Variants in DKK3 observed in about 807,000 individuals in gnomAD.
DKK3 encodes the protein dickkopf Wnt signaling pathway inhibitor 3, also known as dickkopf-related protein 3.
Under a neutral mutation model 33.2 loss-of-function variants are expected in DKK3, and 22 were observed. That is an observed-to-expected ratio of 0.66 (90% CI 0.47 to 0.95). DKK3 has a LOEUF of 0.95. DKK3 is among the 40% of genes least tolerant of loss of function. The pLI is 0.00. For missense variants in DKK3, 398 were observed against 458.4 expected (o/e 0.87, Z 1.20); for synonymous variants, 194 against 188.8 (o/e 1.03, Z -0.23).
chr11:11,966,443 C>T (rs1304789482), intron 5 of DKK3, among the ~76,000 whole-genome samples: 2 of 152,138 alleles, frequency 1.3e-5, no homozygotes, highest in Non-Finnish European at 2.9e-5. Flanking sequence ...CTGCAGGTCC[C>T]AGGGGAGCAA....
chr11:12,005,486 A>G (rs1455118186), intron 1 of DKK3, among the ~76,000 whole-genome samples: 1 of 152,264 alleles, frequency 6.6e-6, no homozygotes, highest in African/African-American at 2.4e-5. Context: ...CAGAGTGGTT[A>G]TATCTTCAGA....
In DKK3 at chr11:12,007,790, T is replaced by C. The variant is rs148488710; in HGVS notation, c.213+580A>G. Among the ~76,000 whole-genome samples the C allele has an allele frequency of 6.3e-4, 96 of 152,278 alleles. 1 individual carries two copies. The East Asian group carries it at 0.016, about 26-fold the overall frequency. ...AAGCACCGTTGGGTGGAGGGGGTAT[T>C]GCCTCTCACATCCTCATCCGCCACT... is the stretch of plus-strand genomic sequence containing the variant. On this transcript the variant is annotated intron_variant, in intron 1 of 6. Transcript: ENST00000683431.
Position 12,008,385 on chromosome 11 carries a change from G to A in DKK3, c.198C>T (p.Arg66=). Residue 66 remains arginine (R), a synonymous_variant, in exon 1 of 7, where the codon CGC becomes CGT. Transcript: ENST00000683431. This position sits in a 1 kb window ranked among gnomAD's most constrained non-coding sequence, Gnocchi z 4.6. ...GCGCACCCACCTCTTCCACCGCGCT[G>A]CGCAATTTGTGCTGCGTGTCCTCCA... ...ELMEDTQHKL[R]SAVEEMEAEE... The A allele has an allele frequency of 6.2e-7, 1 of 1,606,548 alleles. No individual in the cohort carries two copies. The highest frequency in any genetic ancestry group is 2.2e-5 in the East Asian group (1 of 44,616).
chr11:11,968,695 C>T (rs542371068), intron 3 of DKK3: 13 of 499,176 alleles, frequency 2.6e-5, no homozygotes, highest in African/African-American at 2.4e-4. Context: ...GGCTTGGCAG[C>T]CCAGAGCCTG....
chr11:11,998,828 A>G, intron 2 of DKK3, 49 bp from the exon 3 acceptor site: 1 of 1,519,912 alleles, frequency 6.6e-7, no homozygotes, highest in Non-Finnish European at 9.1e-7. Context: ...AATTCTGGAC[A>G]AATTCCACAA....
chr11:11,964,424 G>A lies in DKK3; in HGVS notation c.*40C>T. On this transcript the variant is annotated 3_prime_UTR_variant, in exon 7 of 7. Transcript: ENST00000683431. The stretch of plus-strand genomic sequence containing the variant: ...AGCACACACCTGGGGAAATAAATTA[G>A]CTATTTCTATTGCACATCTACCCAC... 8.1e-6 allele frequency: 13 copies of A among 1,595,226 alleles called. No individual in the cohort carries two copies. The highest frequency in any genetic ancestry group is 1.1e-5 in the Non-Finnish European group (13 of 1,174,618).
upstream of DKK3, chr11:12,009,325 A>C: frequency 1.0e-6 from 1 of 980,550 alleles, no homozygotes; most frequent in Non-Finnish European, 1.2e-6. Flanking sequence ...TACCCGAGGG[A>C]GCCCGCAAGA....
intron 3 of DKK3, among the ~76,000 whole-genome samples, chr11:11,976,823 C>G (rs1408781854): frequency 1.4e-5 from 2 of 147,926 alleles, no homozygotes; most frequent in Non-Finnish European, 3.0e-5. Flanking sequence ...TTCCCCATTC[C>G]TGAGAGTCCT....
At chr11:12,008,853 T>G (rs540161150), upstream of DKK3, 1 of 1,148,280 alleles carries the variant, frequency 8.7e-7, no homozygotes, top group East Asian at 4.3e-5. The surrounding 1 kb of genome is among the most constrained non-coding windows in gnomAD (Gnocchi z 4.6). Context: ...GAGCACAAGC[T>G]GAGCTCTGCT....
intron 3 of DKK3, among the ~76,000 whole-genome samples, chr11:11,991,805 A>C (rs909001592): frequency 6.6e-6 from 1 of 152,210 alleles, no homozygotes; most frequent in Non-Finnish European, 1.5e-5. Context: ...ATAGCAATGC[A>C]AATGGACTGA....
intron 3 of DKK3, among the ~76,000 whole-genome samples, chr11:11,973,916 G>A (rs533530356): frequency 1.3e-5 from 2 of 152,302 alleles, no homozygotes; most frequent in South Asian, 2.1e-4. Flanking sequence ...TGTGGGGCCC[G>A]CAGAGGCACC....
At chr11:11,986,342 C>A (rs1251728394) in intron 3 of DKK3, among the ~76,000 whole-genome samples, 1 of 152,142 alleles carries the variant, frequency 6.6e-6, no homozygotes, top group Non-Finnish European at 1.5e-5. Context: ...ACTTAAAATG[C>A]CCCTCTACTG....
intron 3 of DKK3, among the ~76,000 whole-genome samples, chr11:11,970,742 T>G (rs1847707176): frequency 6.6e-6 from 1 of 152,218 alleles, no homozygotes; most frequent in Non-Finnish European, 1.5e-5. Flanking sequence ...GACACTCCAT[T>G]GGCCATCCCT....
upstream of DKK3, chr11:12,009,031 G>A: frequency 1.0e-6 from 1 of 989,828 alleles, no homozygotes; most frequent in Middle Eastern, 5.2e-4. Context: ...GCCTCTCTCA[G>A]CCCCTACCTG....
At chr11:11,981,943 C>A (rs1413411085) in intron 3 of DKK3, among the ~76,000 whole-genome samples, 1 of 152,164 alleles carries the variant, frequency 6.6e-6, no homozygotes, top group African/African-American at 2.4e-5. Context: ...GAGGACTTTT[C>A]ATAAGATATC....
At chr11:11,996,687 G>A (rs1300925716) in intron 3 of DKK3, among the ~76,000 whole-genome samples, 1 of 152,206 alleles carries the variant, frequency 6.6e-6, no homozygotes, top group Non-Finnish European at 1.5e-5. Flanking sequence ...GGTCTGAGCA[G>A]GCATCAAGAC....
chr11:11,967,008 T>C lies in DKK3; in HGVS notation c.619A>G (p.Ile207Val). 1 of 1,614,082 alleles carries C rather than the reference T, an allele frequency of 6.2e-7. No individual in the cohort carries two copies. The highest frequency in any genetic ancestry group is 8.5e-7 in the Non-Finnish European group (1 of 1,180,022). Residue 207 changes from isoleucine to valine, a missense_variant, in exon 5 of 7, where the codon ATC becomes GTC. By Grantham distance (29) the Ile-to-Val change is conservative. Transcript: ENST00000683431. ...KMATRGSNGT[I>V]CDNQRDCQPG... ...TGGCAGTCCCTCTGGTTGTCACAGA[T>C]GGTCCCATTGCTGCCCCTGGTGGCC...
At chr11:11,989,034 T>C (rs988667) in intron 3 of DKK3, among the ~76,000 whole-genome samples, 14,792 of 152,170 alleles carry the variant, frequency 0.097, 765 homozygotes, top group Non-Finnish European at 0.11. Context: ...ACTTATGTCC[T>C]CTAGTGCCTA....
chr11:11,990,733 G>T (rs780564207), intron 3 of DKK3, among the ~76,000 whole-genome samples: 1 of 152,128 alleles, frequency 6.6e-6, no homozygotes, highest in Non-Finnish European at 1.5e-5. Flanking sequence ...ATTGTTTAGC[G>T]TTCCTCCAAC....
Sources: allele counts gnomAD v4.1 joint callset (sites outside exome capture counted in the v4.1 genomes callset), GRCh38; gene constraint gnomAD v4.1.1; non-coding constraint Gnocchi (gnomAD v3.1); transcripts MANE v1.5; gene names NCBI Gene and HGNC (gene_info 2026-07-23, HGNC 2026-07-21).